The following ADCYAP1 variants were observed in gnomAD, a reference collection of about 807,000 sequenced individuals.
ADCYAP1 encodes the protein pituitary adenylate cyclase-activating polypeptide.
A neutral mutation model predicts 18.5 loss-of-function variants in ADCYAP1; 6 were observed. The ratio of observed to expected loss-of-function variants is 0.32; its 90% CI spans 0.18 to 0.64. ADCYAP1 has a LOEUF of 0.64. Among genes scored for constraint, ADCYAP1 ranks in the 30% least tolerant of loss-of-function variants. The pLI is 0.77. For missense variants in ADCYAP1, 314 were observed against 253.6 expected (o/e 1.24, Z -1.62); for synonymous variants, 136 against 113.9 (o/e 1.19, Z -1.24).
At position 909,452 on chromosome 18, in the gene ADCYAP1, C is replaced by A. The variant is rs1281695385; in HGVS notation, c.348C>A (p.Ser116Arg). The A allele has an allele frequency of 4.3e-6, 7 of 1,611,460 alleles. No homozygotes were observed. The highest frequency in any genetic ancestry group is 1.1e-5 in the South Asian group (1 of 90,906). ...CCGACCCCTTTGCTTGCAGTGGGAG[C>A]CTCGGCGGCGGCGCGGGGGACGACG... Reference protein sequence around the residue: ...QSLVARGVGGSLGGGAGDDAE... With the variant: ...QSLVARGVGGRLGGGAGDDAE... The change falls in exon 5 of 5, where the codon AGC becomes AGA. Residue 116 changes from serine (S) to arginine (R), a missense_variant. Ser to Arg is a moderately radical substitution (Grantham distance 110). Transcript: ENST00000450565.
At position 909,539 on chromosome 18, in the gene ADCYAP1, G is replaced by T. The variant is rs1262831790; in HGVS notation, c.435G>T (p.Arg145=). The part of the protein sequence containing the change: ...GIFTDSYSRY[R]KQMAVKKYLA... ...TCACGGACAGCTACAGCCGCTACCGGAAACAAATGGCTGTCAAGAAATACT... is the reference window on the plus strand; with the variant it reads ...TCACGGACAGCTACAGCCGCTACCGTAAACAAATGGCTGTCAAGAAATACT... Residue 145 remains arginine (R), a synonymous_variant, in exon 5 of 5, where the codon CGG becomes CGT. Transcript: ENST00000450565. 3 of 1,614,192 alleles carry T rather than the reference G, an allele frequency of 1.9e-6. No individual in the cohort carries two copies. Among genetic ancestry groups the T allele is most frequent in the Non-Finnish European group, 1.7e-6 (2 of 1,180,028 alleles).
intron 1 of ADCYAP1, 155 bp downstream of exon 1, chr18:905,215 T>C (rs1385468430): frequency 4.2e-6 from 6 of 1,442,294 alleles, no homozygotes; most frequent in Non-Finnish European, 5.4e-6. Flanking sequence ...TTTCTAACTA[T>C]AGCAAGCAAG....
In ADCYAP1 at chr18:908,284, C is replaced by A. The variant is rs1234213639; in HGVS notation, c.262C>A (p.Leu88Ile). The stretch of plus-strand genomic sequence containing the variant: ...CGTTAGAGATGTCGCCCACGGGATC[C>A]TTAACGAGGCCTACCGCAAAGTGCT... ...AGRRDVAHGI[L>I]NEAYRKVLDQ... is the part of the protein sequence containing the mutation. The change falls in exon 4 of 5, where the codon CTT (leucine) becomes ATT (isoleucine). Residue 88 changes from leucine (L) to isoleucine (I), a missense_variant. Transcript: ENST00000450565. 1 of 1,612,622 alleles carries A rather than the reference C, an allele frequency of 6.2e-7. No individual in the cohort carries two copies. The highest frequency in any genetic ancestry group is 8.5e-7 in the Non-Finnish European group (1 of 1,179,524).
At chr18:907,865 G>T in intron 3 of ADCYAP1, 75 bp downstream of exon 3, 1 of 1,369,450 alleles carries the variant, frequency 7.3e-7, no homozygotes, top group South Asian at 1.7e-5. Context: ...GCAGTGTGGT[G>T]ACCCACCCAG....
intron 4 of ADCYAP1, 93 bp downstream of exon 4, chr18:908,456 C>G: frequency 9.6e-7 from 1 of 1,046,976 alleles, no homozygotes; most frequent in Non-Finnish European, 1.4e-6. Context: ...CCGTGGGGGC[C>G]AGGGTGAGTC....
intron 4 of ADCYAP1, 70 bp downstream of exon 4, chr18:908,433 C>G: frequency 7.1e-7 from 1 of 1,398,752 alleles, no homozygotes; most frequent in Non-Finnish European, 9.9e-7. Flanking sequence ...GCGGGGCGGG[C>G]GGCGGTGGGT....
At position 910,768 on chromosome 18, in the gene ADCYAP1, C is replaced by G. The variant is rs1567855785; in HGVS notation, c.*1133C>G. On this transcript the variant is annotated 3_prime_UTR_variant, in exon 5 of 5. Transcript: ENST00000450565. ...TTTGAAACCTGCTCTGTAGGAGCTA[C>G]CCTTTTCCTTTGTGGTTTTATGGAG... is the stretch of plus-strand genomic sequence containing the variant. 6.6e-6 allele frequency: 1 copy of G among 152,242 alleles called. No individual in the cohort carries two copies. Among genetic ancestry groups the G allele is most frequent in the Admixed American group, 6.5e-5 (1 of 15,270 alleles). The allele number at this position is 152,242 out of a possible 1,614,324, so 9.4% of individuals were successfully genotyped here.
chr18:908,756 T>C (rs1909274840), intron 4 of ADCYAP1, among the ~76,000 whole-genome samples: 1 of 152,072 alleles, frequency 6.6e-6, no homozygotes, highest in African/African-American at 2.4e-5. Flanking sequence ...AAATAATAAA[T>C]GGCCAAATGT....
chr18:904,654 A>G (rs143687129), upstream of ADCYAP1: 20,474 of 1,223,886 alleles, frequency 0.017, 194 homozygotes, highest in African/African-American at 0.02. Context: ...AAGGCGGGCT[A>G]GCCGCCCGCC....
At chr18:909,308 G>T in intron 4 of ADCYAP1, 138 bp from the exon 5 acceptor site, 1 of 785,068 alleles carries the variant, frequency 1.3e-6, no homozygotes, top group Non-Finnish European at 1.9e-6. Flanking sequence ...CCAGGCAGAG[G>T]CGGGCGACGC....
upstream of ADCYAP1, chr18:904,418 G>A: frequency 7.8e-7 from 1 of 1,281,606 alleles, no homozygotes; most frequent in Non-Finnish European, 1.0e-6. Context: ...AAAATATTCT[G>A]TACTTAAAGG....
chr18:908,702 G>C (rs1239250814), intron 4 of ADCYAP1, among the ~76,000 whole-genome samples: 1 of 152,138 alleles, frequency 6.6e-6, no homozygotes, highest in Non-Finnish European at 1.5e-5. Context: ...ACTGTTTCTG[G>C]GGGAGGGGAA....
At chr18:904,605 C>G, upstream of ADCYAP1, 1 of 1,259,454 alleles carries the variant, frequency 7.9e-7, no homozygotes, top group Non-Finnish European at 1.0e-6. Flanking sequence ...AGAGAAGGCG[C>G]CGCCGACCCT....
rs755035529 is a variant in ADCYAP1 at position 905,475 on chromosome 18, G to T, written c.89G>T (p.Gly30Val). The change falls in exon 2 of 5, where the codon GGA becomes GTA. Residue 30 changes from glycine (G) to valine (V), a missense_variant. Gly to Val is a moderately radical substitution (Grantham distance 109, BLOSUM62 -3). Coordinates refer to ENST00000450565, the MANE Select transcript of ADCYAP1 (RefSeq NM_001099733.2). Reference sequence around the variant, plus strand: ...GTCTACAGCTCACCTGCCGCCGCCGGACTCCGGTTCCCCGGGATCAGGTAG... The same window carrying T: ...GTCTACAGCTCACCTGCCGCCGCCGTACTCCGGTTCCCCGGGATCAGGTAG... ...SSVYSSPAAA[G>V]LRFPGIRPEE... The T allele has an allele frequency of 2.7e-5, 43 of 1,608,864 alleles. No individual in the cohort carries two copies. The highest frequency in any genetic ancestry group is 3.5e-5 in the Non-Finnish European group (41 of 1,180,006).
At chr18:907,985 C>G in intron 3 of ADCYAP1, 195 bp downstream of exon 3, 1 of 1,075,904 alleles carries the variant, frequency 9.3e-7, no homozygotes, top group South Asian at 1.9e-5. Flanking sequence ...ACCTGAGGGC[C>G]GCGTGGGGAC....
intron 3 of ADCYAP1, 41 bp downstream of exon 3, chr18:907,831 C>A: frequency 7.1e-7 from 1 of 1,417,656 alleles, no homozygotes; most frequent in Non-Finnish European, 9.1e-7. Context: ...CGGCTGGGAG[C>A]TCGGGACTGC....
upstream of ADCYAP1, chr18:904,801 T>C: frequency 1.6e-6 from 2 of 1,278,256 alleles, no homozygotes; most frequent in Non-Finnish European, 2.0e-6. Flanking sequence ...TTCTTCTGCC[T>C]CTCTCTCTGC....
intron 4 of ADCYAP1, 53 bp downstream of exon 4, chr18:908,416 G>T: frequency 6.6e-7 from 1 of 1,506,032 alleles, no homozygotes; most frequent in South Asian, 1.2e-5. Context: ...GTGCCTGTGC[G>T]GGGCGCGCGG....
upstream of ADCYAP1, chr18:904,548 A>C: frequency 7.8e-7 from 1 of 1,289,082 alleles, no homozygotes; most frequent in Non-Finnish European, 1.0e-6. Context: ...CAGCGGTAGC[A>C]GCAGCAGAAG....
Sources: allele counts gnomAD v4.1 joint callset (sites outside exome capture counted in the v4.1 genomes callset), GRCh38; gene constraint gnomAD v4.1.1; transcripts MANE v1.5; gene names NCBI Gene and HGNC (gene_info 2026-07-23, HGNC 2026-07-21).